GIT1: variants seen among roughly 807,000 people sequenced by gnomAD.
The protein encoded by GIT1 is GIT ArfGAP 1, also known as ARF GTPase-activating protein GIT1.
A neutral mutation model predicts 91.7 loss-of-function variants in GIT1; 14 were observed. That is an observed-to-expected ratio of 0.15 (90% confidence interval 0.10 to 0.24). The LOEUF is 0.24. Among genes scored for constraint, GIT1 ranks in the 10% least tolerant of loss-of-function variants. The probability of loss-of-function intolerance (pLI) is 1.00; values close to 1 mark genes in which losing one functional copy is unlikely to be tolerated. For synonymous variants in GIT1, 414 were observed against 418.2 expected (o/e 0.99, Z 0.12); for missense variants, 717 against 1,024.9 (o/e 0.70, Z 4.10).
chr17:29,583,744 A>G, intron 1 of GIT1, 128 bp from the exon 2 acceptor site: 1 of 1,058,210 alleles, frequency 9.4e-7, no homozygotes, highest in Non-Finnish European at 1.3e-6. Flanking sequence ...ACAGCCTAGG[A>G]GCTGGGACCA....
chr17:29,578,806 GGAGGA>G, intron 7 of GIT1, 27 bp from the exon 8 acceptor site: 1 of 1,610,984 alleles, frequency 6.2e-7, no homozygotes, highest in Non-Finnish European at 8.5e-7. Flanking sequence ...ATGGGAATTG[GGAGGA>G]GAGGAGAGAC....
At position 29,581,496 on chromosome 17, in the gene GIT1, G is replaced by A. The variant is rs551573966; in HGVS notation, c.719-116C>T. 39 of 879,230 alleles carry A rather than the reference G, an allele frequency of 4.4e-5. No individual in the cohort carries two copies. In the East Asian group the frequency reaches 9.1e-4, roughly 21 times the overall value. The allele number at this position is 879,230 out of a possible 1,614,324, so 54.5% of individuals were successfully genotyped here. Reference sequence around the variant, plus strand: ...ACCCAGAAGTGTCAGGGGAAAGTGGGGAGGGCAGGCCACCCCCAAGAATGC... The same window carrying A: ...ACCCAGAAGTGTCAGGGGAAAGTGGAGAGGGCAGGCCACCCCCAAGAATGC... On this transcript the variant is annotated intron_variant, in intron 6 of 19. Coordinates refer to ENST00000225394, the MANE Select transcript of GIT1 (RefSeq NM_014030.4). The surrounding 1 kb of genome is among the most constrained non-coding windows in gnomAD (Gnocchi z 4.8).
At chr17:29,578,095 G>A (rs1732523903) in intron 9 of GIT1, among the ~76,000 whole-genome samples, 2 of 152,196 alleles carry the variant, frequency 1.3e-5, no homozygotes, top group South Asian at 2.1e-4. Context: ...GAGGCTGGGG[G>A]AGGAGCACGC....
intron 9 of GIT1, 53 bp from the exon 10 acceptor site, chr17:29,577,795 G>C: frequency 3.6e-6 from 4 of 1,120,546 alleles, no homozygotes; most frequent in South Asian, 1.2e-5. Context: ...CCCCCAAGGT[G>C]GGGGTGGGGA....
chr17:29,587,960 T>G (rs964650719), intron 1 of GIT1, among the ~76,000 whole-genome samples: 7 of 152,178 alleles, frequency 4.6e-5, no homozygotes, highest in Non-Finnish European at 1.0e-4. Flanking sequence ...TCACAGTTTC[T>G]TAGGGGTATG....
intron 9 of GIT1, 113 bp downstream of exon 9, chr17:29,578,186 G>C: frequency 2.3e-6 from 2 of 854,408 alleles, no homozygotes; most frequent in Admixed American, 1.8e-5. Flanking sequence ...TCATCTGCAG[G>C]CCTCTGAGCA....
chr17:29,575,756 C>T lies in GIT1; in HGVS notation c.1753-53G>A, dbSNP rs1016291291. Reference sequence around the variant, plus strand: ...GCGCCGTGTTCCTGGACCCACACTGCCCCTAGCCCACACGGCCCCCAGCCA... The same window carrying T: ...GCGCCGTGTTCCTGGACCCACACTGTCCCTAGCCCACACGGCCCCCAGCCA... On this transcript the variant is annotated intron_variant, in intron 16 of 19. Coordinates refer to ENST00000225394, the MANE Select transcript of GIT1 (RefSeq NM_014030.4). This position sits in a 1 kb window ranked among gnomAD's most constrained non-coding sequence, Gnocchi z 5.5. 8.1e-6 allele frequency: 13 copies of T among 1,598,956 alleles called. No individual in the cohort carries two copies. The Admixed American group carries it at 1.0e-4, about 12-fold the overall frequency.
In GIT1 at chr17:29,573,678, T is replaced by C; in HGVS notation, c.*1024A>G. 1 of 152,266 alleles carries C rather than the reference T, an allele frequency of 6.6e-6. No homozygotes were observed. The highest frequency in any genetic ancestry group is 1.9e-4 in the East Asian group (1 of 5,170). 9.4% of individuals were successfully genotyped at this position (152,266 alleles called of 1,614,324 possible). ...AGGGTGGGACCACAGCAGGTGCAGG[T>C]AGTGATGGTGGGTGCTGGCCTTGCA... On this transcript the variant is annotated 3_prime_UTR_variant, in exon 20 of 20. Transcript: ENST00000225394.
At position 29,582,000 on chromosome 17, in the gene GIT1, C is replaced by T. The variant is rs1449649255; in HGVS notation, c.550G>A (p.Glu184Lys). ...AAKAGQTLQA[E>K]LLVVYGADPG... is the part of the protein sequence containing the mutation. ...TCAGCCCCATACACTACAAGCAGCTCGGCCTGCAGTGTCTGTCCTGCCTTG... is the reference window on the plus strand; with the variant it reads ...TCAGCCCCATACACTACAAGCAGCTTGGCCTGCAGTGTCTGTCCTGCCTTG... Residue 184 changes from glutamate to lysine, a missense_variant, in exon 5 of 20, where the codon GAG becomes AAG. Glu to Lys is a moderately conservative substitution (Grantham distance 56). Coordinates refer to ENST00000225394, the MANE Select transcript of GIT1 (RefSeq NM_014030.4). This position sits in a 1 kb window ranked among gnomAD's most constrained non-coding sequence, Gnocchi z 4.8. 1 of 1,612,728 alleles carries T rather than the reference C, an allele frequency of 6.2e-7. No homozygotes were observed. Among genetic ancestry groups the T allele is most frequent in the Admixed American group, 1.7e-5 (1 of 60,010 alleles).
At chr17:29,577,344 A>C in intron 10 of GIT1, 97 bp from the exon 11 acceptor site, 1 of 947,622 alleles carries the variant, frequency 1.1e-6, no homozygotes. Flanking sequence ...CTGCCATTTA[A>C]TTTAACCCCA....
intron 7 of GIT1, among the ~76,000 whole-genome samples, chr17:29,580,592 G>A (rs919755427): frequency 1.3e-4 from 20 of 152,214 alleles, no homozygotes; most frequent in South Asian, 4.2e-4. Context: ...CAGCCTCAGC[G>A]CACGTGCCTA....
Position 29,573,584 on chromosome 17 carries a change from A to C in GIT1, c.*1118T>G, listed in dbSNP as rs1191973337. On this transcript the variant is annotated 3_prime_UTR_variant, in exon 20 of 20. Transcript: ENST00000225394. The stretch of plus-strand genomic sequence containing the variant: ...CCCAGGGAAGAAGCGGGATGGGGAG[A>C]GAGCTGGTGGGTCCCACCGTCTGCC... 6.6e-6 allele frequency: 1 copy of C among 152,582 alleles called. No homozygotes were observed. Among genetic ancestry groups the C allele is most frequent in the African/African-American group, 2.4e-5 (1 of 41,458 alleles). The allele number at this position is 152,582 out of a possible 1,614,324, so 9.5% of individuals were successfully genotyped here.
chr17:29,575,313 C>G lies in GIT1; in HGVS notation c.1984G>C (p.Ala662Pro). ...VTKNIQELLR[A>P]AQEFKHDSFV... ...CTGTCATGCTTGAACTCCTGGGCTG[C>G]CCGCAACAGTTCCTGAATGTTCTTG... The change falls in exon 18 of 20, where the codon GCA becomes CCA. Residue 662 changes from alanine (A) to proline (P), a missense_variant. This residue lies in a region of GIT1 where 134 missense variants were observed against 223.8 expected (regional missense o/e 0.60). Coordinates refer to ENST00000225394, the MANE Select transcript of GIT1 (RefSeq NM_014030.4). This position sits in a 1 kb window ranked among gnomAD's most constrained non-coding sequence, Gnocchi z 5.5. 1 of 1,612,974 alleles carries G rather than the reference C, an allele frequency of 6.2e-7. No individual in the cohort carries two copies. The highest frequency in any genetic ancestry group is 2.2e-5 in the East Asian group (1 of 44,860).
rs2033162590 is a variant in GIT1, at chr17:29,575,557, C to T, written c.1826+73G>A. 2 of 1,562,122 alleles carry T rather than the reference C, an allele frequency of 1.3e-6. No homozygotes were observed. ...TCGGAGCCGCCCGCCTTGGTCCTCA[C>T]ACACTGGGGGCCCTCTCAACCTCCC... is the stretch of plus-strand genomic sequence containing the variant. On this transcript the variant is annotated intron_variant, in intron 17 of 19. Transcript: ENST00000225394. The surrounding 1 kb of genome is among the most constrained non-coding windows in gnomAD (Gnocchi z 5.5).
Position 29,576,508 on chromosome 17 carries a change from GGCTGCACCCTCACCTCTC to G in GIT1, c.1376_1380+13del. 6.2e-7 allele frequency: 1 copy of G among 1,613,604 alleles called. No individual in the cohort carries two copies. The highest frequency in any genetic ancestry group is 8.5e-7 in the Non-Finnish European group (1 of 1,179,926). Reference sequence around the variant, plus strand: ...GTCCTGGGGCTCCCCCTCCCACCGAGGCTGCACCCTCACCTCTCGCTGCAGCCTCCGGAGCTCGTCGCT... The same window carrying G: ...GTCCTGGGGCTCCCCCTCCCACCGAGGCTGCAGCCTCCGGAGCTCGTCGCT... On this transcript the variant is annotated splice_donor_variant and splice_donor_5th_base_variant and coding_sequence_variant and intron_variant, in exon 13 of 20. Transcript: ENST00000225394. LOFTEE classifies it high-confidence loss of function.
chr17:29,575,877 A>G lies in GIT1; in HGVS notation c.1687T>C (p.Ser563Pro). The G allele has an allele frequency of 6.2e-7, 1 of 1,610,458 alleles. No individual in the cohort carries two copies. The highest frequency in any genetic ancestry group is 8.5e-7 in the Non-Finnish European group (1 of 1,178,370). Reference protein sequence around the residue: ...LYRIRKGVSASAVPFTPSSPL... With the variant: ...LYRIRKGVSAPAVPFTPSSPL... ...GAGGAGGGAGTGAAGGGCACAGCTG[A>G]GGCAGACACCCCTTTCCGGATCTGA... The change falls in exon 16 of 20, where the codon TCA (serine) becomes CCA (proline). Residue 563 changes from serine to proline, a missense_variant. Around this residue, in one of 3 missense-constraint regions of GIT1, gnomAD observed 312 missense variants for 349.5 expected, o/e 0.89. Coordinates refer to ENST00000225394, the MANE Select transcript of GIT1 (RefSeq NM_014030.4). This position sits in a 1 kb window ranked among gnomAD's most constrained non-coding sequence, Gnocchi z 5.5.
At chr17:29,584,614 C>T (rs1013846153) in intron 1 of GIT1, among the ~76,000 whole-genome samples, 5 of 152,194 alleles carry the variant, frequency 3.3e-5, no homozygotes, top group Non-Finnish European at 5.9e-5. Context: ...GGGCAGGGCG[C>T]CTCTCTCCCA....
rs1475714281 is a variant in GIT1 at position 29,578,628 on chromosome 17, T to G, written c.810+103A>C. On this transcript the variant is annotated intron_variant, in intron 8 of 19. Transcript: ENST00000225394. Reference sequence around the variant, plus strand: ...CCAGTGAGGGGACAGGTCAAAGACTTGGAAAAGGTCATCGAGTCAGAGGCA... The same window carrying G: ...CCAGTGAGGGGACAGGTCAAAGACTGGGAAAAGGTCATCGAGTCAGAGGCA... 2.0e-5 allele frequency: 22 copies of G among 1,106,986 alleles called. No homozygotes were observed. In the Admixed American group the frequency reaches 3.7e-4, roughly 19 times the overall value. The allele number at this position is 1,106,986 out of a possible 1,614,324, so 68.6% of individuals were successfully genotyped here. A position where few individuals can be genotyped will look rare whatever the true frequency, so the allele number is the denominator to read the frequency against.
Position 29,578,391 on chromosome 17 carries a change from C to T in GIT1, c.811-20G>A, listed in dbSNP as rs761835767. 12 of 1,607,590 alleles carry T rather than the reference C, an allele frequency of 7.5e-6. No individual in the cohort carries two copies. Among genetic ancestry groups the T allele is most frequent in the African/African-American group, 1.3e-5 (1 of 74,726 alleles). On this transcript the variant is annotated intron_variant, in intron 8 of 19. Coordinates refer to ENST00000225394, the MANE Select transcript of GIT1 (RefSeq NM_014030.4). ...GCTGAGCTGGAGGAAGAGAGGGGCCCAGATGTTGTCAGATGCATCGGCTCC... is the reference window on the plus strand; with the variant it reads ...GCTGAGCTGGAGGAAGAGAGGGGCCTAGATGTTGTCAGATGCATCGGCTCC...
Sources: allele counts gnomAD v4.1 joint callset (sites outside exome capture counted in the v4.1 genomes callset), GRCh38; gene constraint gnomAD v4.1.1; regional missense constraint gnomAD v4.1.1; non-coding constraint Gnocchi (gnomAD v3.1); transcripts MANE v1.5; gene names NCBI Gene and HGNC (gene_info 2026-07-23, HGNC 2026-07-21).